Variants in FCHO1 observed in about 807,000 individuals in gnomAD.
The protein encoded by FCHO1 is F-BAR domain only protein 1.
Under a neutral mutation model 114.4 loss-of-function variants are expected in FCHO1, and 45 were observed. That is an observed-to-expected ratio of 0.39 (90% CI 0.31 to 0.50). FCHO1 has a LOEUF of 0.50. Among genes scored for constraint, FCHO1 ranks in the 20% least tolerant of loss-of-function variants. The pLI is 0.77. For synonymous variants in FCHO1, 480 were observed against 488.9 expected (o/e 0.98, Z 0.24); for missense variants, 1,042 against 1,209.6 (o/e 0.86, Z 2.06).
At chr19:17,755,002 T>C in intron 3 of FCHO1, 116 bp from the exon 4 acceptor site, 1 of 751,316 alleles carries the variant, frequency 1.3e-6, no homozygotes, top group Non-Finnish European at 2.4e-6. Context: ...CTCTTAGCAT[T>C]GGAGCTTTCA....
chr19:17,752,215 T>C (rs2082137659), intron 1 of FCHO1: 1 of 148,644 alleles, frequency 6.7e-6, no homozygotes, highest in Middle Eastern at 3.4e-3. Context: ...GCTGAGGAGC[T>C]GGGCATATAA....
chr19:17,776,524 T>C lies in FCHO1; in HGVS notation c.1208-111T>C. 1 of 1,268,086 alleles carries C rather than the reference T, an allele frequency of 7.9e-7. No homozygotes were observed. The highest frequency in any genetic ancestry group is 2.3e-5 in the East Asian group (1 of 43,108). 78.6% of individuals were successfully genotyped at this position (1,268,086 alleles called of 1,614,324 possible). On this transcript the variant is annotated intron_variant, in intron 17 of 28. Transcript: ENST00000596536. This position sits in a 1 kb window ranked among gnomAD's most constrained non-coding sequence, Gnocchi z 4.4. ...AATCCATGTCTGCCTGATTTGCTGA[T>C]CACCTTGGGCAACTGGCTGGACACC...
chr19:17,766,494 A>T, intron 6 of FCHO1, 175 bp from the exon 7 acceptor site: 1 of 744,508 alleles, frequency 1.3e-6, no homozygotes, highest in Non-Finnish European at 2.1e-6. Context: ...CCTATGCCTC[A>T]GTTTCCCCAT....
intron 4 of FCHO1, among the ~76,000 whole-genome samples, chr19:17,761,992 C>T (rs1197771695): frequency 5.3e-5 from 8 of 151,350 alleles, no homozygotes. Flanking sequence ...TTCATTCATT[C>T]ATTCATTTAT....
In FCHO1 at chr19:17,764,399, G is replaced by A. The variant is rs760473923; in HGVS notation, c.144G>A (p.Ser48=). 2.1e-5 allele frequency: 34 copies of A among 1,613,492 alleles called. No homozygotes were observed. Among genetic ancestry groups the A allele is most frequent in the African/African-American group, 1.6e-4 (12 of 74,882 alleles). Residue 48 remains serine (S), a synonymous_variant, in exon 6 of 29, where the codon TCG becomes TCA. Transcript: ENST00000596536. ...GGGCCACCATCGAGGAGACCTACTC[G>A]AAGGCGATGGCGAAACTCTCCAAGC... ...RERATIEETY[S]KAMAKLSKLA...
chr19:17,757,084 G>A (rs910784819), intron 4 of FCHO1, among the ~76,000 whole-genome samples: 36 of 151,506 alleles, frequency 2.4e-4, no homozygotes, highest in African/African-American at 8.5e-4. Context: ...AGCTACTCGA[G>A]AGGCTAAGGC....
chr19:17,766,811 G>A lies in FCHO1; in HGVS notation c.336+1G>A. On this transcript the variant is annotated splice_donor_variant, in intron 7 of 28. Coordinates refer to ENST00000596536, the MANE Select transcript of FCHO1 (RefSeq NM_015122.3). LOFTEE classifies it high-confidence loss of function. ...GGAACAGCTCAAGACCCACAAGAAG[G>A]TGTGTGTCGTGGGCGCCGCCCAGCG... The A allele has an allele frequency of 6.2e-7, 1 of 1,611,830 alleles. No individual in the cohort carries two copies.
At chr19:17,757,291 C>G (rs561317400) in intron 4 of FCHO1, among the ~76,000 whole-genome samples, 3 of 152,088 alleles carry the variant, frequency 2.0e-5, no homozygotes, top group Non-Finnish European at 4.4e-5. Context: ...CCTCCTAGGA[C>G]CCTCGGCTGC....
At position 17,754,998 on chromosome 19, in the gene FCHO1, G is replaced by T. The variant is rs918536096; in HGVS notation, c.-47-120G>T. The T allele has an allele frequency of 1.1e-5, 8 of 739,960 alleles. No homozygotes were observed. In the African/African-American group the frequency reaches 1.2e-4, roughly 11 times the overall value. 45.8% of individuals were successfully genotyped at this position (739,960 alleles called of 1,614,324 possible). On this transcript the variant is annotated intron_variant, in intron 3 of 28. Transcript: ENST00000596536. Reference sequence around the variant, plus strand: ...TCTCAGGGGTCCTGGCATGCTCTTAGCATTGGAGCTTTCAGTTCCTCCTTC... The same window carrying T: ...TCTCAGGGGTCCTGGCATGCTCTTATCATTGGAGCTTTCAGTTCCTCCTTC...
chr19:17,784,096 T>C lies in FCHO1; in HGVS notation c.2094-7T>C, dbSNP rs368423229. On this transcript the variant is annotated splice_region_variant and splice_polypyrimidine_tract_variant and intron_variant, in intron 24 of 28. Coordinates refer to ENST00000596536, the MANE Select transcript of FCHO1 (RefSeq NM_015122.3). The surrounding 1 kb of genome is among the most constrained non-coding windows in gnomAD (Gnocchi z 5.3). ...AGGATTGGGGTGATCAGTCCGGGTCTCTGCAGTGACCCCTCCCAGAGTGAC... is the reference window on the plus strand; with the variant it reads ...AGGATTGGGGTGATCAGTCCGGGTCCCTGCAGTGACCCCTCCCAGAGTGAC... 3.1e-6 allele frequency: 5 copies of C among 1,613,708 alleles called. No homozygotes were observed. Among genetic ancestry groups the C allele is most frequent in the Non-Finnish European group, 2.5e-6 (3 of 1,179,812 alleles).
chr19:17,781,477 TG>T lies in FCHO1; in HGVS notation c.1769del (p.Gly590AlafsTer39). 6.2e-7 allele frequency: 1 copy of T among 1,614,036 alleles called. No homozygotes were observed. The highest frequency in any genetic ancestry group is 8.5e-7 in the Non-Finnish European group (1 of 1,179,964). On this transcript the variant is annotated frameshift_variant, in exon 22 of 29. Transcript: ENST00000596536. LOFTEE classifies it high-confidence loss of function. Reference sequence around the variant, plus strand: ...TCTCGTTCCCTGAGCCCCTCCCCACTGGGCTCTTCAGCCGCCAGCACTGCCT... The same window carrying T: ...TCTCGTTCCCTGAGCCCCTCCCCACTGGCTCTTCAGCCGCCAGCACTGCCT... ...DLSRSLSPSP[L>X]GSSAASTALE...
chr19:17,748,550 T>A (rs2081161679), upstream of FCHO1, among the ~76,000 whole-genome samples: 1 of 149,328 alleles, frequency 6.7e-6, no homozygotes, highest in Admixed American at 6.7e-5. Flanking sequence ...GGTGTACAGC[T>A]AGCATCTGTT....
In FCHO1 at chr19:17,770,788, G is replaced by C. The variant is rs369971263; in HGVS notation, c.490-4G>C. The C allele has an allele frequency of 6.2e-7, 1 of 1,614,042 alleles. No homozygotes were observed. Among genetic ancestry groups the C allele is most frequent in the African/African-American group, 1.3e-5 (1 of 75,060 alleles). On this transcript the variant is annotated splice_polypyrimidine_tract_variant and splice_region_variant and intron_variant, in intron 8 of 28. Coordinates refer to ENST00000596536, the MANE Select transcript of FCHO1 (RefSeq NM_015122.3). ...CATCCCCGTTTCCTCCCTGTGCTTT[G>C]TAGGCGGAGACTAAAACCAAGAAGG...
chr19:17,785,406 A>G (rs1262721717), intron 26 of FCHO1, among the ~76,000 whole-genome samples: 2 of 152,024 alleles, frequency 1.3e-5, no homozygotes, highest in East Asian at 3.9e-4. Flanking sequence ...TTTTTTTAGT[A>G]GACATGAGGT....
intron 6 of FCHO1, among the ~76,000 whole-genome samples, chr19:17,764,815 C>T (rs563567811): frequency 4.4e-4 from 66 of 151,540 alleles, no homozygotes; most frequent in African/African-American, 1.5e-3. Context: ...CCTGTACTCC[C>T]AGCACTTTGG....
rs909431694 is a variant in FCHO1, at chr19:17,751,712, C to G, written c.-183+135C>G. The G allele has an allele frequency of 2.0e-5, 3 of 152,488 alleles. No individual in the cohort carries two copies. The highest frequency in any genetic ancestry group is 2.9e-5 in the Non-Finnish European group (2 of 68,154). 9.4% of individuals were successfully genotyped at this position (152,488 alleles called of 1,614,324 possible). On this transcript the variant is annotated intron_variant, in intron 1 of 28. Coordinates refer to ENST00000596536, the MANE Select transcript of FCHO1 (RefSeq NM_015122.3). The surrounding 1 kb of genome is among the most constrained non-coding windows in gnomAD (Gnocchi z 4.4). ...TGTCACTTCCTGGGCTGGCCAAAGCCTGCATGGGGCCACCCGTTGCCCTGC... is the reference window on the plus strand; with the variant it reads ...TGTCACTTCCTGGGCTGGCCAAAGCGTGCATGGGGCCACCCGTTGCCCTGC...
At chr19:17,752,129 A>G (rs1433885042) in intron 1 of FCHO1, among the ~76,000 whole-genome samples, 1 of 152,218 alleles carries the variant, frequency 6.6e-6, no homozygotes, top group Non-Finnish European at 1.5e-5. Context: ...GGGATCTTCT[A>G]GAACAATGTT....
intron 13 of FCHO1, chr19:17,774,679 G>A: frequency 1.7e-6 from 1 of 596,320 alleles, no homozygotes; most frequent in Non-Finnish European, 3.0e-6. Context: ...AGCTAGTCCA[G>A]AATTCTTCCT....
In FCHO1 at chr19:17,766,680, C is replaced by A; in HGVS notation, c.206C>A (p.Pro69Gln). 1 of 1,614,158 alleles carries A rather than the reference C, an allele frequency of 6.2e-7. No individual in the cohort carries two copies. Among genetic ancestry groups the A allele is most frequent in the South Asian group, 1.1e-5 (1 of 91,078 alleles). Residue 69 changes from proline to glutamine, a missense_variant, in exon 7 of 29, where the codon CCG becomes CAG. By Grantham distance (76) the Pro-to-Gln change is moderately conservative (BLOSUM62 -1). Transcript: ENST00000596536. ...SNGTPMGTFA[P>Q]LWEVFRVSSD... ...TTGCCCGCCCCCAGGACCTTCGCCCCGCTCTGGGAGGTCTTCCGCGTCTCC... is the reference window on the plus strand; with the variant it reads ...TTGCCCGCCCCCAGGACCTTCGCCCAGCTCTGGGAGGTCTTCCGCGTCTCC...
Sources: gnomAD v4.1 joint callset for allele counts (sites outside exome capture counted in the v4.1 genomes callset) on GRCh38, gnomAD v4.1.1 for gene constraint, Gnocchi (gnomAD v3.1) non-coding constraint, MANE v1.5 for transcripts, NCBI Gene and HGNC (gene_info 2026-07-23, HGNC 2026-07-21) for gene names.